GPC5: variants seen among roughly 807,000 people sequenced by gnomAD.
GPC5 encodes glypican-5.
A neutral mutation model predicts 53.9 loss-of-function variants in GPC5; 47 were observed. The ratio of observed to expected loss-of-function variants is 0.87; its 90% CI spans 0.69 to 1.11. The LOEUF (loss-of-function observed/expected upper bound fraction) is 1.11, where lower values mean the gene tolerates loss of function less well. Among genes scored for constraint, GPC5 ranks in the 50% most tolerant of loss-of-function variants. The pLI, the probability that GPC5 is intolerant of heterozygous loss-of-function variation, is 0.00. For synonymous variants in GPC5, 286 were observed against 263.3 expected (o/e 1.09, Z -0.84); for missense variants, 748 against 713.1 (o/e 1.05, Z -0.56).
chr13:92,147,903 G>T (rs1036420344), intron 7 of GPC5, among the ~76,000 whole-genome samples: 6 of 152,000 alleles, frequency 3.9e-5, no homozygotes, highest in Admixed American at 3.9e-4. Context: ...CTAGTATTTT[G>T]CCCGTTTTGG....
chr13:91,669,990 G>A (rs1049773147), intron 2 of GPC5, among the ~76,000 whole-genome samples: 1 of 152,166 alleles, frequency 6.6e-6, no homozygotes, highest in African/African-American at 2.4e-5. Flanking sequence ...CATGTCAATT[G>A]TATTATTGGA....
intron 7 of GPC5, among the ~76,000 whole-genome samples, chr13:92,283,438 C>T (rs551365565): frequency 5.3e-5 from 8 of 152,304 alleles, no homozygotes; most frequent in South Asian, 2.1e-4. Flanking sequence ...ACAGAATATA[C>T]GTTCTTCTCA....
intron 7 of GPC5, among the ~76,000 whole-genome samples, chr13:92,603,398 AGAGGTTCT>A (rs1428635271): frequency 1.3e-5 from 2 of 152,174 alleles, no homozygotes; most frequent in African/African-American, 2.4e-5. Context: ...AGCCTTCTAA[AGAGGTTCT>A]GAGCATTTTG....
intron 7 of GPC5, among the ~76,000 whole-genome samples, chr13:92,280,080 A>G (rs1407312302): frequency 6.6e-6 from 1 of 152,012 alleles, no homozygotes; most frequent in Non-Finnish European, 1.5e-5. Flanking sequence ...CAGTTTTTCT[A>G]CTGATATTTC....
rs200636590 is a variant in GPC5, at chr13:91,783,254, C to CAATAAATA, written c.1280+26855_1280+26862dup. The stretch of plus-strand genomic sequence containing the variant: ...CGGCAGCAAGAGTGAAACTCCATCT[C>CAATAAATA]AATAAATAAATAAATAAATAAATAA... On this transcript the variant is annotated intron_variant, in intron 5 of 7. Transcript: ENST00000377067. 1.9e-3 allele frequency among the ~76,000 whole-genome samples: 287 copies of CAATAAATA among 150,752 alleles called. 1 individual carries two copies. The Middle Eastern group carries it at 0.038, about 20-fold the overall frequency.
intron 7 of GPC5, among the ~76,000 whole-genome samples, chr13:92,254,551 A>G (rs998912206): frequency 3.9e-5 from 6 of 152,174 alleles, no homozygotes; most frequent in Non-Finnish European, 5.9e-5. Flanking sequence ...ATTCAGAACC[A>G]CGAATAAAAA....
intron 6 of GPC5, among the ~76,000 whole-genome samples, chr13:91,932,639 A>G (rs898034275): frequency 6.6e-6 from 1 of 151,870 alleles, no homozygotes; most frequent in African/African-American, 2.4e-5. Flanking sequence ...GGTCTTCCAT[A>G]TTCATTATTC....
intron 6 of GPC5, among the ~76,000 whole-genome samples, chr13:91,983,844 C>A (rs2040383160): frequency 6.6e-6 from 1 of 152,128 alleles, no homozygotes; most frequent in Non-Finnish European, 1.5e-5. Context: ...AATTCCCTAC[C>A]TACATCCTGA....
At chr13:91,953,100 G>A (rs2040042405) in intron 6 of GPC5, among the ~76,000 whole-genome samples, 1 of 152,216 alleles carries the variant, frequency 6.6e-6, no homozygotes, top group Non-Finnish European at 1.5e-5. Context: ...AATGGGATGA[G>A]GAAAATTAAA....
chr13:91,609,871 T>C (rs2033494457), intron 2 of GPC5, among the ~76,000 whole-genome samples: 1 of 152,170 alleles, frequency 6.6e-6, no homozygotes, highest in African/African-American at 2.4e-5. Context: ...GATGTTACAT[T>C]ATCAGTACAT....
At chr13:91,882,464 G>T (rs917832296) in intron 5 of GPC5, among the ~76,000 whole-genome samples, 15 of 151,884 alleles carry the variant, frequency 9.9e-5, no homozygotes, top group African/African-American at 3.6e-4. Flanking sequence ...TGTTTTCCAT[G>T]CGATTATTTT....
chr13:92,676,172 A>G (rs1365452519), intron 7 of GPC5, among the ~76,000 whole-genome samples: 1 of 152,174 alleles, frequency 6.6e-6, no homozygotes, highest in Non-Finnish European at 1.5e-5. Flanking sequence ...TAGCAATACC[A>G]TTATATAACA....
chr13:91,771,690 C>T (rs577003636), intron 5 of GPC5, among the ~76,000 whole-genome samples: 9 of 151,836 alleles, frequency 5.9e-5, no homozygotes, highest in Non-Finnish European at 8.8e-5. Flanking sequence ...TATGTGCTTC[C>T]GTAATTTTTT....
chr13:91,478,551 A>G (rs1308398844), intron 2 of GPC5, among the ~76,000 whole-genome samples: 1 of 151,392 alleles, frequency 6.6e-6, no homozygotes, highest in African/African-American at 2.4e-5. Context: ...TTTATCTTGA[A>G]ATTTGCTTTT....
At chr13:91,906,654 A>G (rs1358178799) in intron 5 of GPC5, among the ~76,000 whole-genome samples, 1 of 152,074 alleles carries the variant, frequency 6.6e-6, no homozygotes, top group Non-Finnish European at 1.5e-5. Flanking sequence ...TTATAATCCT[A>G]ATCACCTAGT....
intron 2 of GPC5, among the ~76,000 whole-genome samples, chr13:91,506,877 T>G (rs989547193): frequency 2.0e-5 from 3 of 152,080 alleles, no homozygotes; most frequent in Admixed American, 6.6e-5. Context: ...ATTATCCAAT[T>G]AAAAGTTTAA....
chr13:91,802,315 T>C (rs2038148920), intron 5 of GPC5, among the ~76,000 whole-genome samples: 1 of 151,868 alleles, frequency 6.6e-6, no homozygotes, highest in South Asian at 2.1e-4. Flanking sequence ...GTGTTACAGC[T>C]CTTAAAGGTG....
intron 6 of GPC5, among the ~76,000 whole-genome samples, chr13:91,923,247 C>T (rs1386909995): frequency 2.6e-5 from 4 of 152,088 alleles, no homozygotes; most frequent in African/African-American, 7.2e-5. Context: ...TAATGTTTTG[C>T]GGACTCAATA....
chr13:92,353,588 G>A (rs1288974628), intron 7 of GPC5, among the ~76,000 whole-genome samples: 1 of 151,988 alleles, frequency 6.6e-6, no homozygotes, highest in Admixed American at 6.6e-5. Flanking sequence ...CTTTTTGAGT[G>A]GTAGATTTAT....
Sources: gnomAD v4.1 joint callset for allele counts (sites outside exome capture counted in the v4.1 genomes callset) on GRCh38, gnomAD v4.1.1 for gene constraint, MANE v1.5 for transcripts, NCBI Gene and HGNC (gene_info 2026-07-23, HGNC 2026-07-21) for gene names.